KCNH7: variants seen among roughly 807,000 people sequenced by gnomAD.
The protein encoded by KCNH7 is voltage-gated inwardly rectifying potassium channel KCNH7.
A neutral mutation model predicts 120.8 loss-of-function variants in KCNH7; 49 were observed. That is an observed-to-expected ratio of 0.41 (90% CI 0.32 to 0.51). The LOEUF (loss-of-function observed/expected upper bound fraction) is 0.51. KCNH7 is among the 20% of genes least tolerant of loss of function. KCNH7 has a pLI of 0.38. For missense variants in KCNH7, 1,097 were observed against 1,446.6 expected (o/e 0.76, Z 3.92); for synonymous variants, 547 against 516.1 (o/e 1.06, Z -0.81).
intron 2 of KCNH7, among the ~76,000 whole-genome samples, chr2:162,764,179 G>A (rs1031162223): frequency 1.3e-5 from 2 of 152,080 alleles, no homozygotes; most frequent in African/African-American, 2.4e-5. Context: ...TCATGTCAGA[G>A]TACTGCAAAT....
intron 1 of KCNH7, 48 bp from the exon 2 acceptor site, chr2:162,836,815 T>C (rs957115686): frequency 1.0e-5 from 14 of 1,380,258 alleles, no homozygotes; most frequent in Non-Finnish European, 1.4e-5. Context: ...TTCCACAATA[T>C]TCTCCGTAAC....
intron 6 of KCNH7, among the ~76,000 whole-genome samples, chr2:162,449,051 G>A (rs1688676731): frequency 6.6e-6 from 1 of 151,982 alleles, no homozygotes; most frequent in Non-Finnish European, 1.5e-5. Flanking sequence ...TACAAGCAGA[G>A]GGGACAGAAT....
chr2:162,431,126 A>C (rs1336182502), intron 8 of KCNH7, among the ~76,000 whole-genome samples: 1 of 151,966 alleles, frequency 6.6e-6, no homozygotes, highest in East Asian at 1.9e-4. Flanking sequence ...GATATTTACT[A>C]TTTGCATTTA....
At chr2:162,601,836 C>T (rs993488137) in intron 2 of KCNH7, among the ~76,000 whole-genome samples, 6 of 152,014 alleles carry the variant, frequency 3.9e-5, no homozygotes, top group Non-Finnish European at 4.4e-5. Flanking sequence ...AAAGGATGAA[C>T]GGTTTGTAGC....
intron 6 of KCNH7, among the ~76,000 whole-genome samples, chr2:162,449,154 T>C (rs1688681443): frequency 6.6e-6 from 1 of 151,882 alleles, no homozygotes; most frequent in South Asian, 2.1e-4. Flanking sequence ...GCCAGGGAAG[T>C]AGGGTAGAGG....
chr2:162,761,500 CA>C (rs1441769991), intron 2 of KCNH7, among the ~76,000 whole-genome samples: 1 of 152,032 alleles, frequency 6.6e-6, no homozygotes, highest in African/African-American at 2.4e-5. Context: ...TCCCCAAAGT[CA>C]AAATATCTGA....
At chr2:162,561,124 T>C (rs575343415) in intron 2 of KCNH7, among the ~76,000 whole-genome samples, 2 of 152,224 alleles carry the variant, frequency 1.3e-5, no homozygotes, top group Admixed American at 1.3e-4. Context: ...AAAATTTTGC[T>C]CAGTAGATTT....
At chr2:162,526,948 TA>T (rs1691726815) in intron 3 of KCNH7, among the ~76,000 whole-genome samples, 2 of 152,124 alleles carry the variant, frequency 1.3e-5, no homozygotes, top group South Asian at 4.1e-4. Flanking sequence ...TAAGAAATTA[TA>T]AAAGTATTAA....
chr2:162,634,559 T>G (rs945470471), intron 2 of KCNH7, among the ~76,000 whole-genome samples: 5 of 152,112 alleles, frequency 3.3e-5, no homozygotes, highest in African/African-American at 1.2e-4. Flanking sequence ...AATATTGCCA[T>G]TAATCCTCCT....
intron 2 of KCNH7, among the ~76,000 whole-genome samples, chr2:162,723,291 T>C (rs1301268726): frequency 1.3e-5 from 2 of 152,094 alleles, no homozygotes; most frequent in African/African-American, 4.8e-5. Flanking sequence ...CCCCCACCAA[T>C]CAGCCCAGAC....
chr2:162,799,654 T>C (rs1216789377), intron 2 of KCNH7, among the ~76,000 whole-genome samples: 1 of 152,016 alleles, frequency 6.6e-6, no homozygotes, highest in African/African-American at 2.4e-5. Flanking sequence ...CTCCACACTT[T>C]TCAAATTGTA....
chr2:162,433,063 A>C (rs1688121024), intron 8 of KCNH7, among the ~76,000 whole-genome samples: 1 of 152,100 alleles, frequency 6.6e-6, no homozygotes. Flanking sequence ...CGGGGAATAC[A>C]TCTAACCAAG....
At chr2:162,779,399 C>T (rs753619466) in intron 2 of KCNH7, among the ~76,000 whole-genome samples, 8 of 152,040 alleles carry the variant, frequency 5.3e-5, no homozygotes, top group Non-Finnish European at 1.0e-4. Flanking sequence ...CGGGGTTTCA[C>T]CATGTTGGCC....
At chr2:162,531,009 T>A (rs770594324) in intron 3 of KCNH7, among the ~76,000 whole-genome samples, 19 of 151,964 alleles carry the variant, frequency 1.3e-4, no homozygotes, top group Admixed American at 6.6e-5. Context: ...TCAAAACCGA[T>A]ATACAGGTGG....
At chr2:162,749,273 TA>T (rs1688459436) in intron 2 of KCNH7, among the ~76,000 whole-genome samples, 1 of 151,926 alleles carries the variant, frequency 6.6e-6, no homozygotes, top group African/African-American at 2.4e-5. Flanking sequence ...ACCTTTTTTT[TA>T]AACACACTGC....
At chr2:162,730,892 G>C (rs1019853249) in intron 2 of KCNH7, among the ~76,000 whole-genome samples, 1 of 151,938 alleles carries the variant, frequency 6.6e-6, no homozygotes, top group African/African-American at 2.4e-5. Flanking sequence ...AAAACAGAAA[G>C]GGCAGGCAGG....
intron 2 of KCNH7, among the ~76,000 whole-genome samples, chr2:162,702,944 A>AGG (rs2105346170): frequency 6.6e-6 from 1 of 152,258 alleles, no homozygotes; most frequent in African/African-American, 2.4e-5. Context: ...TTGGAAATAT[A>AGG]GGGCTCCCCA....
chr2:162,381,656 A>C (rs952795626), intron 13 of KCNH7, among the ~76,000 whole-genome samples: 15 of 152,154 alleles, frequency 9.9e-5, no homozygotes, highest in Admixed American at 9.2e-4. Flanking sequence ...AACAGACCTC[A>C]GAGGGCTTGC....
intron 2 of KCNH7, among the ~76,000 whole-genome samples, chr2:162,737,135 A>G (rs1416586034): frequency 6.6e-6 from 1 of 152,138 alleles, no homozygotes; most frequent in Non-Finnish European, 1.5e-5. Context: ...CATGAAGCCC[A>G]TTTCCACCTG....
Sources: allele counts gnomAD v4.1 joint callset (sites outside exome capture counted in the v4.1 genomes callset), GRCh38; gene constraint gnomAD v4.1.1; transcripts MANE v1.5; gene names NCBI Gene and HGNC (gene_info 2026-07-23, HGNC 2026-07-21).